GABBR2: variants seen among roughly 807,000 people sequenced by gnomAD.
GABBR2 encodes the protein gamma-aminobutyric acid type B receptor subunit 2, also known as G-protein coupled receptor 51.
Under a neutral mutation model 105.6 loss-of-function variants are expected in GABBR2, and 23 were observed. The observed-to-expected ratio is 0.22, with a 90% CI of 0.16 to 0.31. The LOEUF (loss-of-function observed/expected upper bound fraction) is 0.31. GABBR2 is among the 10% of genes least tolerant of loss of function. The pLI is 1.00. For missense variants in GABBR2, 734 were observed against 1,245.5 expected (o/e 0.59, Z 6.18); for synonymous variants, 478 against 499.7 (o/e 0.96, Z 0.58).
intron 1 of GABBR2, among the ~76,000 whole-genome samples, chr9:98,683,088 CTCTT>C (rs1327761482): frequency 6.6e-6 from 1 of 152,136 alleles, no homozygotes; most frequent in Non-Finnish European, 1.5e-5. Context: ...CTAAACCTCT[CTCTT>C]TCCCCCCTCC....
At chr9:98,292,154 A>G (rs1231112393) in intron 18 of GABBR2, among the ~76,000 whole-genome samples, 1 of 152,216 alleles carries the variant, frequency 6.6e-6, no homozygotes, top group Non-Finnish European at 1.5e-5. Flanking sequence ...GCATTCCTTG[A>G]GAGAAGGGAC....
At chr9:98,575,164 G>C (rs1828889402) in intron 2 of GABBR2, among the ~76,000 whole-genome samples, 1 of 152,124 alleles carries the variant, frequency 6.6e-6, no homozygotes, top group African/African-American at 2.4e-5. Flanking sequence ...CACAAGCTCT[G>C]CTAGAATTAA....
At chr9:98,580,743 G>A (rs557644639) in intron 1 of GABBR2, among the ~76,000 whole-genome samples, 2 of 152,242 alleles carry the variant, frequency 1.3e-5, no homozygotes, top group East Asian at 3.9e-4. Context: ...AGCCGAGATC[G>A]CGCCCTGCAC....
chr9:98,564,280 G>A (rs764729797), intron 2 of GABBR2, among the ~76,000 whole-genome samples: 13 of 152,302 alleles, frequency 8.5e-5, no homozygotes, highest in East Asian at 1.9e-4. Flanking sequence ...AGAGGCCTTC[G>A]GGAGACCTCA....
intron 13 of GABBR2, among the ~76,000 whole-genome samples, chr9:98,313,742 C>T (rs1169539508): frequency 1.4e-5 from 2 of 145,352 alleles, no homozygotes; most frequent in Non-Finnish European, 3.0e-5. Flanking sequence ...CATGGGCATC[C>T]CCAGGGTCAA....
intron 2 of GABBR2, among the ~76,000 whole-genome samples, chr9:98,568,617 T>C (rs1279082189): frequency 6.6e-6 from 1 of 152,082 alleles, no homozygotes; most frequent in African/African-American, 2.4e-5. Flanking sequence ...GCCAGCACTT[T>C]GTCCACCACA....
At chr9:98,296,692 T>G (rs1196643281) in intron 17 of GABBR2, among the ~76,000 whole-genome samples, 1 of 152,248 alleles carries the variant, frequency 6.6e-6, no homozygotes, top group African/African-American at 2.4e-5. Context: ...ATGAGAACTC[T>G]CTTTTGCTCA....
intron 1 of GABBR2, among the ~76,000 whole-genome samples, chr9:98,628,309 C>G (rs896224828): frequency 2.0e-5 from 3 of 152,168 alleles, no homozygotes; most frequent in African/African-American, 7.2e-5. Flanking sequence ...TGCAATGACC[C>G]CAGGTATCCT....
intron 6 of GABBR2, among the ~76,000 whole-genome samples, chr9:98,464,987 C>A (rs1588175399): frequency 6.6e-6 from 1 of 152,006 alleles, no homozygotes; most frequent in African/African-American, 2.4e-5. Context: ...GGGCCGAAGG[C>A]CGCAGGGACC....
chr9:98,590,595 G>T (rs1322491790), intron 1 of GABBR2, among the ~76,000 whole-genome samples: 1 of 152,220 alleles, frequency 6.6e-6, no homozygotes, highest in Non-Finnish European at 1.5e-5. Context: ...TCAGGAGAGG[G>T]GTGCTCTTTT....
chr9:98,364,961 G>T (rs1169292083), intron 12 of GABBR2, among the ~76,000 whole-genome samples: 1 of 152,194 alleles, frequency 6.6e-6, no homozygotes, highest in Non-Finnish European at 1.5e-5. Context: ...TTCTGGCTCT[G>T]TTCCTTGATA....
intron 11 of GABBR2, among the ~76,000 whole-genome samples, chr9:98,383,129 T>C (rs1327764480): frequency 6.6e-6 from 1 of 152,030 alleles, no homozygotes; most frequent in Non-Finnish European, 1.5e-5. Flanking sequence ...TTAGTAGAGA[T>C]GGGGTTTCTC....
At chr9:98,438,172 TATCCATCC>T (rs34647195) in intron 7 of GABBR2, among the ~76,000 whole-genome samples, 42,928 of 143,526 alleles carry the variant, frequency 0.3, 6,896 homozygotes, top group East Asian at 0.59. Context: ...TCCATCTACC[TATCCATCC>T]ATCCATCCAT....
chr9:98,601,180 A>G (rs1227406635), intron 1 of GABBR2, among the ~76,000 whole-genome samples: 1 of 152,226 alleles, frequency 6.6e-6, no homozygotes, highest in Non-Finnish European at 1.5e-5. Context: ...CAGAATACCA[A>G]TGTAGATTGT....
intron 2 of GABBR2, among the ~76,000 whole-genome samples, chr9:98,546,619 A>G (rs1188979291): frequency 1.3e-5 from 2 of 152,132 alleles, no homozygotes; most frequent in African/African-American, 2.4e-5. Flanking sequence ...TTTTGCTTGC[A>G]TTTGCCTGTC....
chr9:98,534,918 T>G (rs998901586), intron 3 of GABBR2, among the ~76,000 whole-genome samples: 5 of 152,240 alleles, frequency 3.3e-5, no homozygotes, highest in African/African-American at 1.2e-4. Flanking sequence ...CAAAAAATCC[T>G]GCGCATGGAT....
At chr9:98,684,523 G>T (rs745753164) in intron 1 of GABBR2, among the ~76,000 whole-genome samples, 4 of 152,134 alleles carry the variant, frequency 2.6e-5, no homozygotes, top group Non-Finnish European at 4.4e-5. Flanking sequence ...GCTGGGAAAG[G>T]TCCAACCATC....
chr9:98,566,278 C>T (rs560439930), intron 2 of GABBR2, among the ~76,000 whole-genome samples: 118 of 152,250 alleles, frequency 7.8e-4, no homozygotes, highest in African/African-American at 2.8e-3. Flanking sequence ...TCTTGATACT[C>T]ATGAAGTTTG....
At position 98,384,617 on chromosome 9, in the gene GABBR2, AT is replaced by A. The variant is rs1209047464; in HGVS notation, c.1662+1022del. ...AAAAAAACCCAAAAAACAAAAAAAA[AT>A]AAAAGGCATTTCTTTAGGCATTAAA... is the stretch of plus-strand genomic sequence containing the variant. On this transcript the variant is annotated intron_variant, in intron 11 of 18. Coordinates refer to ENST00000259455, the MANE Select transcript of GABBR2 (RefSeq NM_005458.8). Among the ~76,000 whole-genome samples the A allele has an allele frequency of 3.3e-5, 5 of 152,272 alleles. No homozygotes were observed. The East Asian group carries it at 7.7e-4, about 23-fold the overall frequency.
Sources: allele counts gnomAD v4.1 joint callset (sites outside exome capture counted in the v4.1 genomes callset), GRCh38; gene constraint gnomAD v4.1.1; transcripts MANE v1.5; gene names NCBI Gene and HGNC (gene_info 2026-07-23, HGNC 2026-07-21).